Variants in CD96 observed in about 807,000 individuals in gnomAD.
The protein encoded by CD96 is CD96 molecule, also known as T-cell surface protein tactile.
Under a neutral mutation model 71.3 loss-of-function variants are expected in CD96, and 70 were observed. The observed-to-expected ratio is 0.98, with a 90% CI of 0.81 to 1.20. CD96 has a LOEUF of 1.20. Ranked by LOEUF, CD96 falls within the 50% of genes most tolerant of loss-of-function variation. The pLI is 0.00. For synonymous variants in CD96, 248 were observed against 233.0 expected (o/e 1.06, Z -0.59); for missense variants, 742 against 677.5 (o/e 1.10, Z -1.06).
chr3:111,555,891 G>C (rs996926905), intron 2 of CD96, among the ~76,000 whole-genome samples: 2 of 152,396 alleles, frequency 1.3e-5, no homozygotes, highest in East Asian at 3.8e-4. Flanking sequence ...TACTACTCCT[G>C]TTTCATGTAT....
chr3:111,544,566 C>A lies in CD96; in HGVS notation c.62-480C>A, dbSNP rs147013648. On this transcript the variant is annotated intron_variant, in intron 1 of 13. Coordinates refer to ENST00000352690, the MANE Select transcript of CD96 (RefSeq NM_005816.5). ...ATTAAACAAGATAAGATATGAAAGG[C>A]CCTTGTAAACATGTATTTTTCAAAG... is the stretch of plus-strand genomic sequence containing the variant. Among the ~76,000 whole-genome samples the A allele has an allele frequency of 7.1e-3, 1,076 of 152,230 alleles. 18 individuals carry two copies. The highest frequency in any genetic ancestry group is 0.024 in the African/African-American group (1,014 of 41,518).
intron 8 of CD96, among the ~76,000 whole-genome samples, chr3:111,613,564 G>C (rs1042503161): frequency 1.3e-5 from 2 of 152,142 alleles, no homozygotes; most frequent in Non-Finnish European, 2.9e-5. Context: ...TGATGAAGCT[G>C]ATTCAAATGT....
At chr3:111,593,564 T>G (rs781203792) in intron 5 of CD96, 1 of 1,528,340 alleles carries the variant, frequency 6.5e-7, no homozygotes, top group Non-Finnish European at 8.8e-7. Flanking sequence ...ATGGAAGGGA[T>G]GTACTGCTGC....
chr3:111,663,287 A>T (rs187245289), intron 14 of CD96, among the ~76,000 whole-genome samples: 4 of 152,304 alleles, frequency 2.6e-5, no homozygotes, highest in Non-Finnish European at 5.9e-5. Flanking sequence ...CTCCCACCAG[A>T]TCTCTCTCCC....
intron 10 of CD96, 135 bp from the exon 11 acceptor site, chr3:111,637,060 GC>G: frequency 1.5e-6 from 1 of 687,062 alleles, no homozygotes; most frequent in Non-Finnish European, 2.7e-6. Flanking sequence ...TCTTGTGTAT[GC>G]TATGGAACAG....
At chr3:111,647,744 T>C in intron 13 of CD96, 78 bp downstream of exon 13, 1 of 1,046,592 alleles carries the variant, frequency 9.6e-7, no homozygotes, top group Non-Finnish European at 1.5e-6. Context: ...ATATTATTAC[T>C]CTATGAAGTT....
At chr3:111,599,551 C>T (rs1042230281) in intron 6 of CD96, among the ~76,000 whole-genome samples, 1 of 151,976 alleles carries the variant, frequency 6.6e-6, no homozygotes, top group Non-Finnish European at 1.5e-5. Flanking sequence ...AAAACCCCGT[C>T]TCTACTAAAA....
intron 8 of CD96, among the ~76,000 whole-genome samples, 182 bp from the exon 9 acceptor site, chr3:111,623,572 A>G (rs956192527): frequency 7.9e-5 from 12 of 152,186 alleles, no homozygotes; most frequent in Non-Finnish European, 1.5e-5. Flanking sequence ...ATGATATTGG[A>G]TATTGATTAT....
At chr3:111,633,824 T>G (rs1408876900) in intron 10 of CD96, 2 of 152,776 alleles carry the variant, frequency 1.3e-5, no homozygotes, top group African/African-American at 4.8e-5. Flanking sequence ...TCATCAAAAT[T>G]CCTGTGTCCA....
At chr3:111,571,321 T>A (rs1935975394) in intron 3 of CD96, among the ~76,000 whole-genome samples, 1 of 151,244 alleles carries the variant, frequency 6.6e-6, no homozygotes, top group South Asian at 2.1e-4. Flanking sequence ...AATTAATTTA[T>A]TTCTATTTGT....
intron 10 of CD96, among the ~76,000 whole-genome samples, chr3:111,630,988 A>G (rs764533573): frequency 3.7e-4 from 56 of 152,210 alleles, no homozygotes; most frequent in Non-Finnish European, 6.0e-4. Context: ...CTAAGGATTG[A>G]AAGAACATAC....
intron 10 of CD96, among the ~76,000 whole-genome samples, chr3:111,630,581 A>G (rs1939010336): frequency 6.6e-6 from 1 of 152,328 alleles, no homozygotes; most frequent in African/African-American, 2.4e-5. Flanking sequence ...CCAGAGGAAC[A>G]AAGAAGAACT....
downstream of CD96, among the ~76,000 whole-genome samples, chr3:111,653,807 C>T (rs568856514): frequency 2.5e-4 from 37 of 149,610 alleles, no homozygotes; most frequent in South Asian, 2.3e-3. Flanking sequence ...GGCTGAGAAG[C>T]GATAATTTTT....
intron 8 of CD96, among the ~76,000 whole-genome samples, chr3:111,616,565 T>G (rs191132892): frequency 2.0e-5 from 3 of 152,266 alleles, no homozygotes; most frequent in Admixed American, 2.0e-4. Flanking sequence ...TGATGCATGC[T>G]GCAGCAAGGC....
At chr3:111,644,896 CTT>C (rs1458190120) in intron 12 of CD96, among the ~76,000 whole-genome samples, 11 of 152,096 alleles carry the variant, frequency 7.2e-5, no homozygotes, top group Admixed American at 6.5e-4. Flanking sequence ...ACAGAGAACG[CTT>C]CTACCCTGCT....
intron 3 of CD96, among the ~76,000 whole-genome samples, chr3:111,571,534 G>A (rs1935985824): frequency 6.6e-6 from 1 of 151,986 alleles, no homozygotes; most frequent in Non-Finnish European, 1.5e-5. Context: ...AGGACATTTA[G>A]AGTAAATGAA....
intron 3 of CD96, among the ~76,000 whole-genome samples, chr3:111,568,382 G>A (rs1049474509): frequency 6.6e-6 from 1 of 152,178 alleles, no homozygotes; most frequent in Non-Finnish European, 1.5e-5. Flanking sequence ...CTAAGACACT[G>A]TAAAATATAA....
At chr3:111,545,607 T>G (rs1218799546) in intron 2 of CD96, among the ~76,000 whole-genome samples, 5 of 152,200 alleles carry the variant, frequency 3.3e-5, no homozygotes, top group Non-Finnish European at 7.3e-5. Context: ...GTGTCGATAA[T>G]AAATACTGTA....
chr3:111,639,295 G>A (rs1046414495), intron 12 of CD96, among the ~76,000 whole-genome samples: 8 of 152,294 alleles, frequency 5.3e-5, no homozygotes, highest in African/African-American at 1.2e-4. Context: ...TGGGGGGCAT[G>A]GTGGGAGTGA....
Sources: gnomAD v4.1 joint callset for allele counts (sites outside exome capture counted in the v4.1 genomes callset) on GRCh38, gnomAD v4.1.1 for gene constraint, MANE v1.5 for transcripts, NCBI Gene and HGNC (gene_info 2026-07-23, HGNC 2026-07-21) for gene names.